The following RARB variants were observed in gnomAD, a reference collection of about 807,000 sequenced individuals.
The protein encoded by RARB is HBV-activated protein.
A neutral mutation model predicts 51.9 loss-of-function variants in RARB; 17 were observed. The observed-to-expected ratio is 0.33, with a 90% CI of 0.22 to 0.49. The LOEUF (loss-of-function observed/expected upper bound fraction) is 0.49, where lower values mean the gene tolerates loss of function less well. Ranked by LOEUF, RARB falls within the 20% of genes least tolerant of loss-of-function variation. The pLI is 0.99. For missense variants in RARB, 369 were observed against 550.8 expected, an observed-to-expected ratio of 0.67 and a Z score of 3.30; for synonymous variants, 215 against 195.4, an observed-to-expected ratio of 1.10 and a Z score of -0.84.
intron 3 of RARB, among the ~76,000 whole-genome samples, chr3:25,531,106 C>T (rs765980907): frequency 3.3e-5 from 5 of 152,048 alleles, no homozygotes; most frequent in Non-Finnish European, 7.4e-5. Flanking sequence ...GTTAGTTATT[C>T]TGTGTGCAAG....
chr3:25,551,258 C>A (rs1699842171), intron 3 of RARB, among the ~76,000 whole-genome samples: 1 of 152,182 alleles, frequency 6.6e-6, no homozygotes, highest in Non-Finnish European at 1.5e-5. Context: ...TGGAACCCGG[C>A]AGCCCATTTG....
chr3:25,497,184 C>T (rs112050806), intron 2 of RARB, among the ~76,000 whole-genome samples: 9,294 of 152,184 alleles, frequency 0.061, 311 homozygotes, highest in Non-Finnish European at 0.081. Context: ...CGCGCCTGGC[C>T]GAAAACCAGG....
chr3:25,080,163 T>G (rs2125312503), intron 3 of RARB, among the ~76,000 whole-genome samples: 1 of 152,336 alleles, frequency 6.6e-6, no homozygotes, highest in South Asian at 2.1e-4. Context: ...GTTTTGGGTA[T>G]TTCATAAAAG....
chr3:24,918,897 A>T (rs1184273589), intron 2 of RARB, among the ~76,000 whole-genome samples: 7 of 151,740 alleles, frequency 4.6e-5, no homozygotes, highest in South Asian at 4.1e-4. Flanking sequence ...AAAAATAAAT[A>T]AAATTAAATT....
intron 5 of RARB, among the ~76,000 whole-genome samples, chr3:25,592,678 G>T (rs574155581): frequency 1.8e-3 from 275 of 152,332 alleles, no homozygotes; most frequent in Non-Finnish European, 3.2e-3. Context: ...AGGGTTATGT[G>T]TCAAGCATAC....
At chr3:25,103,704 G>C (rs1375608585) in intron 3 of RARB, among the ~76,000 whole-genome samples, 1 of 152,186 alleles carries the variant, frequency 6.6e-6, no homozygotes, top group East Asian at 1.9e-4. Context: ...GTGTCACTCA[G>C]TTCCATGAAT....
intron 5 of RARB, among the ~76,000 whole-genome samples, chr3:25,332,391 A>G (rs1331746336): frequency 6.6e-6 from 1 of 152,230 alleles, no homozygotes; most frequent in Non-Finnish European, 1.5e-5. Flanking sequence ...CAATAAACGT[A>G]ATCCAGCATA....
chr3:25,180,050 T>C (rs980963067), intron 5 of RARB, among the ~76,000 whole-genome samples: 2 of 152,190 alleles, frequency 1.3e-5, no homozygotes, highest in African/African-American at 2.4e-5. Flanking sequence ...ATCATTCACT[T>C]TGATCAGATT....
intron 3 of RARB, among the ~76,000 whole-genome samples, chr3:25,089,414 A>G (rs914869617): frequency 6.6e-6 from 1 of 152,126 alleles, no homozygotes; most frequent in Non-Finnish European, 1.5e-5. Context: ...GTGTTTTTCC[A>G]GCAGGGATAA....
At chr3:24,898,374 A>T (rs1703524285) in intron 2 of RARB, among the ~76,000 whole-genome samples, 1 of 150,790 alleles carries the variant, frequency 6.6e-6, no homozygotes, top group Non-Finnish European at 1.5e-5. Flanking sequence ...TGATTTATAT[A>T]TAACAAATAG....
At chr3:25,329,496 C>T (rs1704827159) in intron 5 of RARB, among the ~76,000 whole-genome samples, 2 of 151,260 alleles carry the variant, frequency 1.3e-5, no homozygotes, top group Non-Finnish European at 1.5e-5. Context: ...CACACCAAAA[C>T]CCCACCTATA....
At chr3:25,286,278 C>T (rs767643021) in intron 5 of RARB, among the ~76,000 whole-genome samples, 7 of 151,878 alleles carry the variant, frequency 4.6e-5, no homozygotes, top group Admixed American at 2.6e-4. Flanking sequence ...TGAGCAGAGA[C>T]GGGGTTTCAC....
intron 5 of RARB, among the ~76,000 whole-genome samples, chr3:25,183,401 T>A (rs1559496054): frequency 6.6e-6 from 1 of 152,190 alleles, no homozygotes; most frequent in Non-Finnish European, 1.5e-5. Flanking sequence ...CATTTTGTCT[T>A]ACTGGATGGC....
chr3:25,021,708 AT>A (rs201694158), intron 2 of RARB, among the ~76,000 whole-genome samples: 11 of 150,516 alleles, frequency 7.3e-5, no homozygotes, highest in African/African-American at 1.7e-4. Context: ...ATTTGTTCAA[AT>A]TTTTTTTTTA....
At chr3:25,150,621 A>C (rs1700270882) in intron 4 of RARB, among the ~76,000 whole-genome samples, 1 of 152,218 alleles carries the variant, frequency 6.6e-6, no homozygotes, top group Non-Finnish European at 1.5e-5. Flanking sequence ...TTATGTATAC[A>C]TAGAGTACAA....
intron 3 of RARB, among the ~76,000 whole-genome samples, chr3:25,532,937 C>A (rs1698988742): frequency 6.6e-6 from 1 of 152,204 alleles, no homozygotes; most frequent in Non-Finnish European, 1.5e-5. Flanking sequence ...GAGTCCTATG[C>A]TTGCAATTCA....
chr3:25,200,332 C>G (rs1266740668), intron 5 of RARB, among the ~76,000 whole-genome samples: 1 of 150,790 alleles, frequency 6.6e-6, no homozygotes, highest in Non-Finnish European at 1.5e-5. Context: ...TCTGTAGATT[C>G]TGGATATTAG....
chr3:25,057,850 A>G (rs182312371), intron 2 of RARB, among the ~76,000 whole-genome samples: 4 of 152,122 alleles, frequency 2.6e-5, no homozygotes, highest in African/African-American at 9.6e-5. Context: ...CTTGACCAAT[A>G]AAGTCTTCTA....
At chr3:25,028,406 A>G (rs78483973) in intron 2 of RARB, among the ~76,000 whole-genome samples, 6,612 of 152,250 alleles carry the variant, frequency 0.043, 366 homozygotes, top group African/African-American at 0.13. Flanking sequence ...CAGCAGTATC[A>G]GTGTCACCTG....
Sources: gnomAD v4.1 joint callset for allele counts (sites outside exome capture counted in the v4.1 genomes callset) on GRCh38, gnomAD v4.1.1 for gene constraint, MANE v1.5 for transcripts, NCBI Gene and HGNC (gene_info 2026-07-23, HGNC 2026-07-21) for gene names.